SKAP1: variants seen among roughly 807,000 people sequenced by gnomAD.
The protein encoded by SKAP1 is src kinase-associated phosphoprotein 1.
SKAP1 carries 44 observed loss-of-function variants against 58.5 expected under a neutral mutation model. That is an observed-to-expected ratio of 0.75 (90% CI 0.59 to 0.97). The LOEUF (loss-of-function observed/expected upper bound fraction) is 0.97, where lower values mean the gene tolerates loss of function less well. Ranked by LOEUF, SKAP1 falls within the 50% of genes least tolerant of loss-of-function variation. The pLI, the probability that SKAP1 is intolerant of heterozygous loss-of-function variation, is 0.00. For synonymous variants in SKAP1, 127 were observed against 149.7 expected, an observed-to-expected ratio of 0.85 and a Z score of 1.11; for missense variants, 390 against 435.2, an observed-to-expected ratio of 0.90 and a Z score of 0.92.
At chr17:48,342,248 T>C (rs1050366167) in intron 4 of SKAP1, among the ~76,000 whole-genome samples, 4 of 152,176 alleles carry the variant, frequency 2.6e-5, no homozygotes. Context: ...TTGTTCCCGA[T>C]GGTGGGGCTG....
In SKAP1 at chr17:48,200,670, G is replaced by A. The variant is rs144884040; in HGVS notation, c.281-11170C>T. Among the ~76,000 whole-genome samples the A allele has an allele frequency of 5.5e-3, 843 of 152,228 alleles. 3 individuals carry two copies. The highest frequency in any genetic ancestry group is 9.5e-3 in the Admixed American group (145 of 15,294). On this transcript the variant is annotated intron_variant, in intron 4 of 12. Coordinates refer to ENST00000336915, the MANE Select transcript of SKAP1 (RefSeq NM_003726.4). The stretch of plus-strand genomic sequence containing the variant: ...TGAGATTACAGGCATGAGCCACCGC[G>A]CCCGGCCCTGGGCCATTCTTTAATT...
chr17:48,367,434 A>G (rs1358399304), intron 2 of SKAP1, among the ~76,000 whole-genome samples: 6 of 151,610 alleles, frequency 4.0e-5, no homozygotes, highest in Non-Finnish European at 7.4e-5. Context: ...TCTCACCAAA[A>G]AAAAGGTAAC....
chr17:48,236,281 G>C (rs1037359327), intron 4 of SKAP1, among the ~76,000 whole-genome samples: 2 of 152,160 alleles, frequency 1.3e-5, no homozygotes, highest in Non-Finnish European at 2.9e-5. Flanking sequence ...TAGAGGAGAA[G>C]GGGACAGAAT....
intron 9 of SKAP1, among the ~76,000 whole-genome samples, chr17:48,171,734 A>AGTGTGTGTGT (rs3221423): frequency 0.013 from 1,893 of 149,094 alleles, 22 homozygotes; most frequent in African/African-American, 0.025. Flanking sequence ...AGGATGTTAG[A>AGTGTGTGTGT]GTGTGTGTGT....
At chr17:48,267,197 T>G (rs1598488472) in intron 4 of SKAP1, among the ~76,000 whole-genome samples, 1 of 152,206 alleles carries the variant, frequency 6.6e-6, no homozygotes, top group Non-Finnish European at 1.5e-5. Context: ...CTAGTAAGCC[T>G]TTTTTAGCTT....
chr17:48,197,648 T>C (rs8075270), intron 4 of SKAP1, among the ~76,000 whole-genome samples: 84,944 of 152,014 alleles, frequency 0.56, 24,718 homozygotes, highest in East Asian at 0.77. Context: ...GAGAGTGCAC[T>C]AGCCTAGGTG....
chr17:48,339,172 C>A lies in SKAP1; in HGVS notation c.280+6733G>T, dbSNP rs796421054. Among the ~76,000 whole-genome samples, 63 of 152,312 alleles carry A rather than the reference C, an allele frequency of 4.1e-4. 1 individual carries two copies. The highest frequency in any genetic ancestry group is 1.5e-3 in the African/African-American group (63 of 41,568). On this transcript the variant is annotated intron_variant, in intron 4 of 12. Transcript: ENST00000336915. ...TCCACAGTATGTGCCTCTAAACACA[C>A]ATACATAACTTCCATTAGCTTTGAC... is the stretch of plus-strand genomic sequence containing the variant.
intron 4 of SKAP1, among the ~76,000 whole-genome samples, chr17:48,211,048 T>C (rs538682870): frequency 6.7e-6 from 1 of 148,894 alleles, no homozygotes; most frequent in East Asian, 2.0e-4. Flanking sequence ...GGGCACTTCA[T>C]GCTCCTCTTT....
At chr17:48,352,082 G>GAAAAAAAAAAAAAA (rs1159148144) in intron 3 of SKAP1, among the ~76,000 whole-genome samples, 2 of 114,440 alleles carry the variant, frequency 1.7e-5, no homozygotes, top group Admixed American at 8.6e-5. Context: ...CAAGAAAAGA[G>GAAAAAAAAAAAAAA]AAAAAAAAAA....
chr17:48,364,124 G>T (rs1036468460), intron 2 of SKAP1, among the ~76,000 whole-genome samples: 6 of 152,202 alleles, frequency 3.9e-5, no homozygotes, highest in Non-Finnish European at 5.9e-5. Flanking sequence ...CTTTCAGCAG[G>T]ATGGTTCTTT....
At chr17:48,186,953 G>A (rs1056765058) in intron 6 of SKAP1, among the ~76,000 whole-genome samples, 1 of 152,174 alleles carries the variant, frequency 6.6e-6, no homozygotes, top group African/African-American at 2.4e-5. Context: ...TGTATCGCTG[G>A]CCTCTGTACG....
chr17:48,289,925 T>C (rs1252481595), intron 4 of SKAP1, among the ~76,000 whole-genome samples: 1 of 152,154 alleles, frequency 6.6e-6, no homozygotes, highest in African/African-American at 2.4e-5. Context: ...GCTGCAGTTA[T>C]ATAATAAACT....
At chr17:48,343,876 T>C (rs1567876016) in intron 4 of SKAP1, among the ~76,000 whole-genome samples, 2 of 152,210 alleles carry the variant, frequency 1.3e-5, no homozygotes, top group Admixed American at 6.5e-5. Context: ...AGAACCAGAC[T>C]ATGTATGTGT....
At chr17:48,151,621 A>G (rs971137019) in intron 11 of SKAP1, among the ~76,000 whole-genome samples, 4 of 152,176 alleles carry the variant, frequency 2.6e-5, no homozygotes, top group East Asian at 1.9e-4. Flanking sequence ...TCTTTTAACA[A>G]TTATTCGGAT....
intron 4 of SKAP1, among the ~76,000 whole-genome samples, chr17:48,319,711 A>G (rs955692862): frequency 1.3e-5 from 2 of 152,136 alleles, no homozygotes; most frequent in African/African-American, 4.8e-5. Flanking sequence ...GTGTAGTGGT[A>G]TGGGCCTGTA....
At chr17:48,321,660 G>A (rs1252596720) in intron 4 of SKAP1, among the ~76,000 whole-genome samples, 1 of 152,082 alleles carries the variant, frequency 6.6e-6, no homozygotes, top group Non-Finnish European at 1.5e-5. Flanking sequence ...TTACAGGCGT[G>A]AGCCACCGCG....
At chr17:48,327,191 T>C (rs1238157665) in intron 4 of SKAP1, among the ~76,000 whole-genome samples, 1 of 152,014 alleles carries the variant, frequency 6.6e-6, no homozygotes, top group Non-Finnish European at 1.5e-5. Flanking sequence ...GTGCCCAGCA[T>C]AATAAGAAAA....
chr17:48,392,156 G>A (rs781752452), intron 2 of SKAP1, among the ~76,000 whole-genome samples: 13 of 151,974 alleles, frequency 8.6e-5, no homozygotes, highest in Non-Finnish European at 1.8e-4. Context: ...TTGTTTTAAA[G>A]CTAAATCCAC....
In SKAP1 at chr17:48,356,574, G is replaced by A. The variant is rs111312521; in HGVS notation, c.178+7215C>T. Among the ~76,000 whole-genome samples the A allele has an allele frequency of 4.0e-3, 611 of 152,242 alleles. 8 individuals are homozygous for A. Among genetic ancestry groups the A allele is most frequent in the African/African-American group, 0.014 (585 of 41,548 alleles). ...TCTAATATAACAAGGGTCTCTGTGT[G>A]TGTGGCATATGTATTTTTTTCCTCT... is the stretch of plus-strand genomic sequence containing the variant. On this transcript the variant is annotated intron_variant, in intron 3 of 12. Transcript: ENST00000336915.
Sources: gnomAD v4.1 joint callset for allele counts (sites outside exome capture counted in the v4.1 genomes callset) on GRCh38, gnomAD v4.1.1 for gene constraint, MANE v1.5 for transcripts, NCBI Gene and HGNC (gene_info 2026-07-23, HGNC 2026-07-21) for gene names.